SOAT1: variants seen among roughly 807,000 people sequenced by gnomAD.
SOAT1 encodes sterol O-acyltransferase 1, also known as acyl-coenzyme A:cholesterol acyltransferase 1.
A neutral mutation model predicts 69.5 loss-of-function variants in SOAT1; 55 were observed. The ratio of observed to expected loss-of-function variants is 0.79; its 90% CI spans 0.64 to 0.99. The LOEUF (loss-of-function observed/expected upper bound fraction) is 0.99, where lower values mean the gene tolerates loss of function less well. Ranked by LOEUF, SOAT1 falls within the 50% of genes least tolerant of loss-of-function variation. The pLI, the probability that SOAT1 is intolerant of heterozygous loss-of-function variation, is 0.00. For synonymous variants in SOAT1, 231 were observed against 224.7 expected (o/e 1.03, Z -0.25); for missense variants, 580 against 669.3 (o/e 0.87, Z 1.47).
intron 15 of SOAT1, among the ~76,000 whole-genome samples, chr1:179,351,866 C>T (rs1403678572): frequency 6.6e-6 from 1 of 151,774 alleles, no homozygotes; most frequent in Non-Finnish European, 1.5e-5. Flanking sequence ...ATTGCAGGAG[C>T]ATGCCACCAT....
chr1:179,347,726 T>A, intron 12 of SOAT1, 29 bp downstream of exon 12: 1 of 1,319,862 alleles, frequency 7.6e-7, no homozygotes, highest in Non-Finnish European at 1.1e-6. Context: ...TAGCTTTCTT[T>A]TTACATTTTA....
rs760990974 is a variant in SOAT1, at chr1:179,340,993, CCT to C, written c.498-32_498-31del. On this transcript the variant is annotated intron_variant, in intron 6 of 15. Coordinates refer to ENST00000367619, the MANE Select transcript of SOAT1 (RefSeq NM_003101.6). ...GAACTCAGTGTATATTAAAAATTCA[CCT>C]CTATGTTCTTTTTCTGTACCTTTTC... The C allele has an allele frequency of 3.8e-6, 6 of 1,597,046 alleles. No homozygotes were observed. The South Asian group carries it at 6.7e-5, about 18-fold the overall frequency.
rs912428127 is a variant in SOAT1 at position 179,357,990 on chromosome 1, C to T, written c.*4349C>T. On this transcript the variant is annotated 3_prime_UTR_variant, in exon 16 of 16. Coordinates refer to ENST00000367619, the MANE Select transcript of SOAT1 (RefSeq NM_003101.6). ...TAAAGAGAGGATAATATGCAACCAC[C>T]CTAGTTGAAACAGAGTGTATCACTT... is the stretch of plus-strand genomic sequence containing the variant. The T allele has an allele frequency of 6.6e-6, 1 of 152,092 alleles. No individual in the cohort carries two copies. Among genetic ancestry groups the T allele is most frequent in the East Asian group, 1.9e-4 (1 of 5,194 alleles). 9.4% of individuals were successfully genotyped at this position (152,092 alleles called of 1,614,324 possible).
rs142614667 is a variant in SOAT1 at position 179,331,183 on chromosome 1, T to C, written c.178-4323T>C. Among the ~76,000 whole-genome samples the C allele has an allele frequency of 6.6e-5, 10 of 152,354 alleles. No homozygotes were observed. In the East Asian group the frequency reaches 1.9e-3, roughly 29 times the overall value. On this transcript the variant is annotated intron_variant, in intron 3 of 15. Transcript: ENST00000367619. ...TGCACGAGTGTAAGAATCTCTAGTC[T>C]ATTTTGAATAATTTTGTGAAAGTCA...
chr1:179,351,982 T>C (rs892917737), intron 15 of SOAT1, among the ~76,000 whole-genome samples: 1 of 152,068 alleles, frequency 6.6e-6, no homozygotes, highest in African/African-American at 2.4e-5. Context: ...CCTCCCAGAG[T>C]GCTGGAGCCA....
intron 2 of SOAT1, among the ~76,000 whole-genome samples, chr1:179,322,492 C>T (rs1052975098): frequency 2.6e-5 from 4 of 152,024 alleles, no homozygotes; most frequent in African/African-American, 9.7e-5. Context: ...AAGTGATTCT[C>T]CTGCCTCAGC....
chr1:179,297,866 G>A (rs1445119219), intron 1 of SOAT1, among the ~76,000 whole-genome samples: 1 of 151,542 alleles, frequency 6.6e-6, no homozygotes, highest in African/African-American at 2.4e-5. Flanking sequence ...AAATTAGCTG[G>A]GTGTGGTGGC....
At chr1:179,331,561 A>G (rs1291428952) in intron 3 of SOAT1, among the ~76,000 whole-genome samples, 1 of 152,206 alleles carries the variant, frequency 6.6e-6, no homozygotes, top group East Asian at 1.9e-4. Context: ...AACACTGTGA[A>G]ACCCCGTCTC....
In SOAT1 at chr1:179,334,712, G is replaced by A. The variant is rs71630217; in HGVS notation, c.178-794G>A. On this transcript the variant is annotated intron_variant, in intron 3 of 15. Transcript: ENST00000367619. ...GTTGGGGTCATAGATGAGGGAGATTGTGAAAGAAATTTACAATACTGGGCC... is the reference window on the plus strand; with the variant it reads ...GTTGGGGTCATAGATGAGGGAGATTATGAAAGAAATTTACAATACTGGGCC... Among the ~76,000 whole-genome samples, 440 of 152,244 alleles carry A rather than the reference G, an allele frequency of 2.9e-3. 4 individuals carry two copies. The highest frequency in any genetic ancestry group is 3.8e-3 in the Non-Finnish European group (259 of 68,008).
At chr1:179,335,331 A>G (rs1666111255) in intron 3 of SOAT1, among the ~76,000 whole-genome samples, 175 bp from the exon 4 acceptor site, 4 of 152,334 alleles carry the variant, frequency 2.6e-5, no homozygotes, top group Admixed American at 2.6e-4. Context: ...CCTTTTAGGT[A>G]GCTGTTTCTG....
rs192628812 is a variant in SOAT1 at position 179,353,754 on chromosome 1, C to T, written c.*113C>T. ...TCTGTGTTATTTGGACCACTCCAGG[C>T]TTTACAGATGACTCACTCCATTCCT... On this transcript the variant is annotated 3_prime_UTR_variant, in exon 16 of 16. Coordinates refer to ENST00000367619, the MANE Select transcript of SOAT1 (RefSeq NM_003101.6). The T allele has an allele frequency of 1.3e-4, 114 of 881,392 alleles. 1 individual carries two copies. In the African/African-American group the frequency reaches 1.4e-3, roughly 11 times the overall value. The allele number at this position is 881,392 out of a possible 1,614,324, so 54.6% of individuals were successfully genotyped here.
chr1:179,334,930 A>G, intron 3 of SOAT1, among the ~76,000 whole-genome samples: 1 of 148,022 alleles, frequency 6.8e-6, no homozygotes, highest in African/African-American at 2.5e-5. Flanking sequence ...CAGGAGAATC[A>G]CTTGAACCCA....
rs201816938 is a variant in SOAT1, at chr1:179,341,197, C to T, written c.667C>T (p.His223Tyr). The change falls in exon 7 of 16, where the codon CAT (histidine) becomes TAT (tyrosine). Residue 223 changes from histidine (H) to tyrosine (Y), a missense_variant. By Grantham distance (83) the His-to-Tyr change is moderately conservative (BLOSUM62 2). Coordinates refer to ENST00000367619, the MANE Select transcript of SOAT1 (RefSeq NM_003101.6). ...SSHPLIRSLFHGFLFMIFQIG... is the reference protein window; with the variant it reads ...SSHPLIRSLFYGFLFMIFQIG... ...TCATCCGCTGATCCGTTCTCTCTTC[C>T]ATGGCTTTCTTTTCATGATCTTCCA... 6 of 1,613,972 alleles carry T rather than the reference C, an allele frequency of 3.7e-6. No individual in the cohort carries two copies. Among genetic ancestry groups the T allele is most frequent in the Non-Finnish European group, 5.1e-6 (6 of 1,180,022 alleles).
chr1:179,299,889 G>T (rs1337012626), intron 1 of SOAT1, among the ~76,000 whole-genome samples: 4 of 150,640 alleles, frequency 2.7e-5, no homozygotes, highest in African/African-American at 9.8e-5. Context: ...GAGTAGCTGG[G>T]ACTACAGGCG....
intron 3 of SOAT1, among the ~76,000 whole-genome samples, 165 bp from the exon 4 acceptor site, chr1:179,335,341 G>T (rs1666111644): frequency 6.6e-6 from 1 of 152,198 alleles, no homozygotes; most frequent in Non-Finnish European, 1.5e-5. Context: ...AGCTGTTTCT[G>T]AAACTTCAAG....
At chr1:179,297,954 ATC>A (rs1664708437) in intron 1 of SOAT1, among the ~76,000 whole-genome samples, 1 of 150,046 alleles carries the variant, frequency 6.7e-6, no homozygotes, top group Non-Finnish European at 1.5e-5. Context: ...GTGAGCTGAG[ATC>A]GTGCCATTGC....
rs1026538806 is a variant in SOAT1, at chr1:179,338,010, T to C, written c.389+114T>C. ...GTTCTGTATCTGTATAAATCATTAG[T>C]GGGTTTTTTTCTTCTATGCTCTCTC... On this transcript the variant is annotated intron_variant, in intron 5 of 15. Transcript: ENST00000367619. 8.9e-5 allele frequency: 57 copies of C among 642,980 alleles called. No homozygotes were observed. The African/African-American group carries it at 1.0e-3, about 12-fold the overall frequency. The allele number at this position is 642,980 out of a possible 1,614,324, so 39.8% of individuals were successfully genotyped here.
chr1:179,300,402 G>A (rs540195960), intron 1 of SOAT1, among the ~76,000 whole-genome samples: 2 of 152,204 alleles, frequency 1.3e-5, no homozygotes, highest in East Asian at 1.9e-4. Context: ...GTTGGGCATC[G>A]TCTTGTGATT....
chr1:179,335,838 A>G (rs1271610678), intron 4 of SOAT1, among the ~76,000 whole-genome samples, 181 bp downstream of exon 4: 2 of 152,184 alleles, frequency 1.3e-5, no homozygotes, highest in African/African-American at 4.8e-5. Context: ...GTCTTTACAT[A>G]TAAATTATAA....
Sources: allele counts gnomAD v4.1 joint callset (sites outside exome capture counted in the v4.1 genomes callset), GRCh38; gene constraint gnomAD v4.1.1; transcripts MANE v1.5; gene names NCBI Gene and HGNC (gene_info 2026-07-23, HGNC 2026-07-21).